PLAC8L1: variants seen among roughly 807,000 people sequenced by gnomAD.
The protein encoded by PLAC8L1 is PLAC8-like protein 1.
Under a neutral mutation model 16.3 loss-of-function variants are expected in PLAC8L1, and 13 were observed. That is an observed-to-expected ratio of 0.80 (90% CI 0.52 to 1.27). The LOEUF (loss-of-function observed/expected upper bound fraction) is 1.27. Ranked by LOEUF, PLAC8L1 falls within the 50% of genes most tolerant of loss-of-function variation. The pLI is 0.00. For synonymous variants in PLAC8L1, 78 were observed against 79.3 expected, an observed-to-expected ratio of 0.98 and a Z score of 0.09; for missense variants, 184 against 220.2, an observed-to-expected ratio of 0.84 and a Z score of 1.04.
chr5:146,098,434 C>A, intron 1 of PLAC8L1, 142 bp from the exon 2 acceptor site: 1 of 614,392 alleles, frequency 1.6e-6, no homozygotes, highest in South Asian at 3.3e-5. Context: ...TTGCCATCTC[C>A]CTCCCTCCTC....
In PLAC8L1 at chr5:146,105,556, T is replaced by A. The variant is rs1183675222; in HGVS notation, c.-1245A>T. ...TCAGGTTTATAAGAATAACAGAAAT[T>A]AAGAGGTGATTACTAGCTTTGCAAA... On this transcript the variant is annotated 5_prime_UTR_variant, in exon 1 of 4. Transcript: ENST00000311450. Among the ~76,000 whole-genome samples the A allele has an allele frequency of 4.7e-5, 3 of 64,270 alleles. No individual in the cohort carries two copies. In the Admixed American group the frequency reaches 7.0e-4, roughly 15 times the overall value. 42.2% of individuals were successfully genotyped at this position (64,270 alleles called of 152,430 possible).
intron 1 of PLAC8L1, chr5:146,103,701 AC>A (rs1763860834): frequency 1.0e-6 from 1 of 984,890 alleles, no homozygotes; most frequent in Non-Finnish European, 1.2e-6. Context: ...CCTCTTTTTG[AC>A]CTCACTCCAT....
At chr5:146,098,371 A>G in intron 1 of PLAC8L1, 79 bp from the exon 2 acceptor site, 1 of 1,464,438 alleles carries the variant, frequency 6.8e-7, no homozygotes, top group Non-Finnish European at 9.3e-7. Context: ...TCAGAACCAT[A>G]AAGAAGAGAT....
chr5:146,099,739 A>G (rs1395636965), intron 1 of PLAC8L1, among the ~76,000 whole-genome samples: 3 of 152,046 alleles, frequency 2.0e-5, no homozygotes, highest in Admixed American at 2.0e-4. Context: ...CCTGGAGGCC[A>G]AAGCAGAACA....
intron 2 of PLAC8L1, among the ~76,000 whole-genome samples, chr5:146,096,889 C>T (rs954424277): frequency 2.0e-5 from 3 of 152,116 alleles, no homozygotes; most frequent in East Asian, 1.9e-4. Flanking sequence ...CATGGGTAGC[C>T]GCGACAGGAA....
chr5:146,100,879 TAGGGGTG>T (rs1373085875), intron 1 of PLAC8L1, among the ~76,000 whole-genome samples: 1 of 152,122 alleles, frequency 6.6e-6, no homozygotes, highest in African/African-American at 2.4e-5. Flanking sequence ...AGTGAAGTTG[TAGGGGTG>T]AGATCCTGAT....
intron 2 of PLAC8L1, among the ~76,000 whole-genome samples, chr5:146,086,024 C>CTTTTT (rs58130114): frequency 0.18 from 15,825 of 90,336 alleles, 2,505 homozygotes; most frequent in Non-Finnish European, 0.23. Context: ...ATTGAAAGGT[C>CTTTTT]TTTTTTTTTT....
intron 2 of PLAC8L1, among the ~76,000 whole-genome samples, chr5:146,095,748 G>A (rs1350299872): frequency 6.6e-6 from 1 of 152,284 alleles, no homozygotes; most frequent in Non-Finnish European, 1.5e-5. Context: ...GCCTGGTCAA[G>A]AAGTAGGCAC....
intron 1 of PLAC8L1, among the ~76,000 whole-genome samples, chr5:146,103,313 C>A (rs1381761347): frequency 6.6e-6 from 1 of 152,164 alleles, no homozygotes; most frequent in African/African-American, 2.4e-5. Context: ...GCATGCACCA[C>A]CACGCCCAGC....
At position 146,085,560 on chromosome 5, in the gene PLAC8L1, A is replaced by G; in HGVS notation, c.294T>C (p.Cys98=). The change falls in exon 3 of 4, where the codon TGT becomes TGC. Residue 98 remains cysteine (C), a synonymous_variant. Transcript: ENST00000311450. The part of the protein sequence containing the change: ...CGLFCPMCLE[C]DIARHYGECL... ...ACTCTCCATAATGCCTGGCGATGTCACACTCAAGACACATAGGACAGAATA... is the reference window on the plus strand; with the variant it reads ...ACTCTCCATAATGCCTGGCGATGTCGCACTCAAGACACATAGGACAGAATA... The G allele has an allele frequency of 6.2e-7, 1 of 1,614,194 alleles. No homozygotes were observed. Among genetic ancestry groups the G allele is most frequent in the Non-Finnish European group, 8.5e-7 (1 of 1,180,030 alleles).
chr5:146,092,242 T>C (rs774089457), intron 2 of PLAC8L1, among the ~76,000 whole-genome samples: 48 of 152,130 alleles, frequency 3.2e-4, no homozygotes, highest in Non-Finnish European at 6.8e-4. Flanking sequence ...AGAAAAGAAA[T>C]AGGTCATATT....
chr5:146,103,416 C>T (rs1055475918), intron 1 of PLAC8L1, among the ~76,000 whole-genome samples: 12 of 152,224 alleles, frequency 7.9e-5, no homozygotes, highest in African/African-American at 2.9e-4. Flanking sequence ...ACCTCAGCCT[C>T]CCAAAGTGCT....
At chr5:146,085,757 G>A (rs1024108562) in intron 2 of PLAC8L1, among the ~76,000 whole-genome samples, 160 bp from the exon 3 acceptor site, 5 of 152,190 alleles carry the variant, frequency 3.3e-5, no homozygotes, top group Non-Finnish European at 7.3e-5. Context: ...CTCATTGTAT[G>A]AAAATTGCCA....
chr5:146,101,000 G>C (rs1273386377), intron 1 of PLAC8L1, among the ~76,000 whole-genome samples: 1 of 152,060 alleles, frequency 6.6e-6, no homozygotes, highest in African/African-American at 2.4e-5. Context: ...AGGAGCTCGA[G>C]ACCAGCCTGA....
intron 2 of PLAC8L1, among the ~76,000 whole-genome samples, 159 bp downstream of exon 2, chr5:146,097,997 T>A (rs1763744014): frequency 6.6e-6 from 1 of 152,194 alleles, no homozygotes; most frequent in Non-Finnish European, 1.5e-5. Context: ...AAAGCAAGAT[T>A]TTTCCAGACA....
chr5:146,102,571 C>T (rs934103998), intron 1 of PLAC8L1, among the ~76,000 whole-genome samples: 5 of 152,256 alleles, frequency 3.3e-5, no homozygotes, highest in South Asian at 4.1e-4. Flanking sequence ...CTACATATTA[C>T]GCCCAGGGAA....
chr5:146,088,171 G>A (rs563638292), intron 2 of PLAC8L1, among the ~76,000 whole-genome samples: 4 of 152,226 alleles, frequency 2.6e-5, no homozygotes, highest in Admixed American at 6.5e-5. Context: ...TGGGGTCTCC[G>A]TATGTTGCTT....
chr5:146,091,572 G>T (rs1025948166), intron 2 of PLAC8L1, among the ~76,000 whole-genome samples: 3 of 152,036 alleles, frequency 2.0e-5, no homozygotes, highest in Non-Finnish European at 4.4e-5. Flanking sequence ...CAAGGCAGGA[G>T]GATCACTTGA....
intron 2 of PLAC8L1, among the ~76,000 whole-genome samples, chr5:146,087,958 A>G (rs190702881): frequency 6.6e-6 from 1 of 152,276 alleles, no homozygotes; most frequent in Non-Finnish European, 1.5e-5. Flanking sequence ...CTTACTCACT[A>G]TACAGTACCA....
Sources: gnomAD v4.1 joint callset for allele counts (sites outside exome capture counted in the v4.1 genomes callset) on GRCh38, gnomAD v4.1.1 for gene constraint, MANE v1.5 for transcripts, NCBI Gene and HGNC (gene_info 2026-07-23, HGNC 2026-07-21) for gene names.